The following ZCWPW2 variants were observed in gnomAD, a reference collection of about 807,000 sequenced individuals.
ZCWPW2 encodes zinc finger CW-type PWWP domain protein 2.
A neutral mutation model predicts 46.6 loss-of-function variants in ZCWPW2; 45 were observed. That is an observed-to-expected ratio of 0.96 (90% CI 0.76 to 1.24). The LOEUF is 1.24. ZCWPW2 is among the 50% of genes most tolerant of loss of function. ZCWPW2 has a pLI of 0.00. For synonymous variants in ZCWPW2, 152 were observed against 137.1 expected (o/e 1.11, Z -0.76); for missense variants, 429 against 403.9 (o/e 1.06, Z -0.53).
chr3:28,521,759 C>T (rs989207225), intron 9 of ZCWPW2, among the ~76,000 whole-genome samples: 1 of 152,086 alleles, frequency 6.6e-6, no homozygotes, highest in African/African-American at 2.4e-5. Flanking sequence ...AAAAAGAAGT[C>T]ATAGGGTAGA....
chr3:28,428,420 G>A (rs1697109432), intron 3 of ZCWPW2: 1 of 152,076 alleles, frequency 6.6e-6, no homozygotes, highest in African/African-American at 2.4e-5. Context: ...TCAGCCTCTG[G>A]GGAGCAACTG....
Position 28,515,618 on chromosome 3 carries a change from A to T in ZCWPW2, c.781A>T (p.Arg261Trp). The part of the protein sequence containing the change: ...YSDDALSKEN[R>W]VVCETEVLLK... ...TGATGATGCCTTATCAAAGGAGAAC[A>T]GGGGTATGTGAAAGCCTGTCCTGCT... The change falls in exon 8 of 10, where the codon AGG (arginine) becomes TGG (tryptophan). Residue 261 changes from arginine to tryptophan, a missense_variant. Arg to Trp is a moderately radical substitution (Grantham distance 101). Coordinates refer to ENST00000383768, the MANE Select transcript of ZCWPW2 (RefSeq NM_001040432.4). 1 of 1,603,876 alleles carries T rather than the reference A, an allele frequency of 6.2e-7. No individual in the cohort carries two copies. Among genetic ancestry groups the T allele is most frequent in the Non-Finnish European group, 8.5e-7 (1 of 1,179,000 alleles).
chr3:28,404,279 G>C (rs192891436), intron 2 of ZCWPW2, among the ~76,000 whole-genome samples: 293 of 151,810 alleles, frequency 1.9e-3, no homozygotes, highest in African/African-American at 6.6e-3. Flanking sequence ...ACGAAAAAAT[G>C]CTCAACATCA....
chr3:28,349,229 CTGTTGGGCCGAGGTCCCCCTTCA>C, intron 1 of ZCWPW2, 26 bp downstream of exon 1: 7 of 984,204 alleles, frequency 7.1e-6, no homozygotes, highest in Non-Finnish European at 8.4e-6. Context: ...GCCGTCTTGT[CTGTTGGGCCGAGGTCCCCCTTCA>C]GGGGCGCCCT....
intron 4 of ZCWPW2, among the ~76,000 whole-genome samples, chr3:28,438,892 A>G (rs1051660962): frequency 6.6e-6 from 1 of 152,008 alleles, no homozygotes; most frequent in Admixed American, 6.6e-5. Flanking sequence ...CTGAAATGAA[A>G]AGTTCACTAT....
chr3:28,440,313 C>T (rs1169367285), intron 4 of ZCWPW2, among the ~76,000 whole-genome samples: 1 of 152,142 alleles, frequency 6.6e-6, no homozygotes, highest in Non-Finnish European at 1.5e-5. Context: ...TGTTGTGTCT[C>T]CTGATGGCAG....
intron 1 of ZCWPW2, among the ~76,000 whole-genome samples, chr3:28,356,884 T>C (rs1447630930): frequency 6.6e-6 from 1 of 151,968 alleles, no homozygotes; most frequent in Non-Finnish European, 1.5e-5. Flanking sequence ...AGGATAGCAT[T>C]AGGAGATATA....
intron 1 of ZCWPW2, among the ~76,000 whole-genome samples, chr3:28,386,436 T>C (rs1294276524): frequency 6.6e-6 from 1 of 152,172 alleles, no homozygotes; most frequent in African/African-American, 2.4e-5. Flanking sequence ...TATTTTGTTA[T>C]TCCTCCCCAA....
intron 5 of ZCWPW2, among the ~76,000 whole-genome samples, chr3:28,486,557 C>T (rs1699606674): frequency 6.6e-6 from 1 of 151,904 alleles, no homozygotes; most frequent in Admixed American, 6.6e-5. Context: ...CTGGGAAAGT[C>T]TTTATTTCTC....
chr3:28,459,391 A>C (rs577923897), intron 4 of ZCWPW2, among the ~76,000 whole-genome samples: 5 of 152,192 alleles, frequency 3.3e-5, no homozygotes, highest in South Asian at 2.1e-4. Context: ...AAAAACAAAA[A>C]ACAAAAAACG....
At chr3:28,499,841 T>C in intron 6 of ZCWPW2, among the ~76,000 whole-genome samples, 1 of 152,076 alleles carries the variant, frequency 6.6e-6, no homozygotes, top group Non-Finnish European at 1.5e-5. Context: ...GCATAGACAC[T>C]TATTAGTTAT....
At chr3:28,397,232 T>C (rs1346546809) in intron 2 of ZCWPW2, among the ~76,000 whole-genome samples, 1 of 152,210 alleles carries the variant, frequency 6.6e-6, no homozygotes, top group African/African-American at 2.4e-5. Flanking sequence ...GTAATAAAAA[T>C]GGATGCTTCA....
chr3:28,362,940 C>T (rs1053173769), intron 1 of ZCWPW2, among the ~76,000 whole-genome samples: 1 of 151,926 alleles, frequency 6.6e-6, no homozygotes, highest in African/African-American at 2.4e-5. Flanking sequence ...AGGCCATTAT[C>T]CTTAGCAACT....
At chr3:28,521,569 C>T (rs1700725417) in intron 9 of ZCWPW2, among the ~76,000 whole-genome samples, 1 of 152,158 alleles carries the variant, frequency 6.6e-6, no homozygotes. Context: ...GAATTTTTCA[C>T]TGGAATAAGT....
intron 3 of ZCWPW2, among the ~76,000 whole-genome samples, chr3:28,425,872 G>A (rs1045020433): frequency 2.6e-5 from 4 of 152,152 alleles, no homozygotes; most frequent in Admixed American, 2.6e-4. Flanking sequence ...CACTTTGGGA[G>A]GCCAAGGCGG....
chr3:28,490,836 T>G (rs1699783827), intron 5 of ZCWPW2, among the ~76,000 whole-genome samples: 1 of 152,138 alleles, frequency 6.6e-6, no homozygotes, highest in African/African-American at 2.4e-5. Flanking sequence ...GTTTTATATC[T>G]TATACTGTCT....
chr3:28,492,618 G>A (rs895156237), intron 6 of ZCWPW2, among the ~76,000 whole-genome samples: 7 of 152,020 alleles, frequency 4.6e-5, no homozygotes, highest in Admixed American at 4.6e-4. Context: ...CTGGAATTTT[G>A]TAAATGAAAA....
chr3:28,385,273 C>G (rs557072692), intron 1 of ZCWPW2, among the ~76,000 whole-genome samples: 25 of 152,230 alleles, frequency 1.6e-4, no homozygotes, highest in Non-Finnish European at 3.2e-4. Flanking sequence ...TCTGTGACAC[C>G]ATCCCACTCT....
chr3:28,491,754 AATAG>A (rs1481488777), intron 5 of ZCWPW2, among the ~76,000 whole-genome samples: 1 of 152,092 alleles, frequency 6.6e-6, no homozygotes, highest in Admixed American at 6.6e-5. Context: ...TCCAGCATAT[AATAG>A]ATAGATATGA....
Sources: allele counts gnomAD v4.1 joint callset (sites outside exome capture counted in the v4.1 genomes callset), GRCh38; gene constraint gnomAD v4.1.1; transcripts MANE v1.5; gene names NCBI Gene and HGNC (gene_info 2026-07-23, HGNC 2026-07-21).